C2CD3: variants seen among roughly 807,000 people sequenced by gnomAD.
C2CD3 encodes C2 domain containing 3 centriole elongation regulator, also known as C2 domain-containing protein 3.
In C2CD3, 148 loss-of-function variants were observed where a neutral mutation model predicts 234.0. That is an observed-to-expected ratio of 0.63 (90% CI 0.55 to 0.72). The LOEUF (loss-of-function observed/expected upper bound fraction) is 0.72, where lower values mean the gene tolerates loss of function less well. Among genes scored for constraint, C2CD3 ranks in the 30% least tolerant of loss-of-function variants. C2CD3 has a pLI of 0.00. For synonymous variants in C2CD3, 1,000 were observed against 1,035.4 expected, an observed-to-expected ratio of 0.97 and a Z score of 0.66; for missense variants, 2,577 against 2,811.5, an observed-to-expected ratio of 0.92 and a Z score of 1.89.
chr11:74,150,576 A>G (rs913638569), intron 3 of C2CD3, among the ~76,000 whole-genome samples: 1 of 151,120 alleles, frequency 6.6e-6, no homozygotes, highest in Non-Finnish European at 1.5e-5. Context: ...GAAAAAAATA[A>G]ATAACGACTA....
rs78859901 is a variant in C2CD3, at chr11:74,078,681, T to G, written c.4037A>C (p.Asp1346Ala). 6.2e-4 allele frequency: 996 copies of G among 1,611,442 alleles called. 8 individuals carry two copies. In the African/African-American group the frequency reaches 0.012, roughly 19 times the overall value. The change falls in exon 23 of 33, where the codon GAC (aspartate) becomes GCC (alanine). Residue 1346 changes from aspartate to alanine, a missense_variant. Asp to Ala is a moderately radical substitution (Grantham distance 126). Coordinates refer to ENST00000334126, the MANE Select transcript of C2CD3 (RefSeq NM_001286577.2). ...CTCCAGGCCATGAGGTAGGCCCCCG[T>G]CTTCTGGTAAAATGATAGGATACCA... ...TGWYPIILPE[D>A]GGLPHGLELM...
chr11:74,091,080 A>G, intron 19 of C2CD3, 144 bp from the exon 20 acceptor site: 1 of 751,286 alleles, frequency 1.3e-6, no homozygotes, highest in Non-Finnish European at 2.1e-6. Flanking sequence ...CCTTGTCATA[A>G]TCACATTGTT....
In C2CD3 at chr11:74,048,267, C is replaced by T. The variant is rs753670167; in HGVS notation, c.5433G>A (p.Arg1811=). Residue 1811 remains arginine (R), a synonymous_variant, in exon 28 of 33, where the codon AGG becomes AGA. Transcript: ENST00000334126. The stretch of plus-strand genomic sequence containing the variant: ...CATGAGCAAGTTGGTCTAGGGTCTG[C>T]CTTGCCATGTGGCTGGAGAATGCAG... The part of the protein sequence containing the change: ...TYAAFSSHMA[R]QTLDQLAHAS... 4 of 1,613,562 alleles carry T rather than the reference C, an allele frequency of 2.5e-6. No homozygotes were observed. The highest frequency in any genetic ancestry group is 1.3e-5 in the African/African-American group (1 of 74,912).
intron 28 of C2CD3, among the ~76,000 whole-genome samples, chr11:74,043,522 A>G (rs1463843873): frequency 1.3e-5 from 2 of 152,198 alleles, no homozygotes; most frequent in East Asian, 3.8e-4. Context: ...ACTGGGTCAT[A>G]TGGTTACTCC....
At chr11:74,073,701 T>C (rs1420017545) in intron 24 of C2CD3, among the ~76,000 whole-genome samples, 3 of 152,238 alleles carry the variant, frequency 2.0e-5, no homozygotes, top group Non-Finnish European at 2.9e-5. Flanking sequence ...TGATGTGATA[T>C]GGAAATACCT....
chr11:74,165,329 C>A (rs1165347506), intron 2 of C2CD3, among the ~76,000 whole-genome samples: 2 of 152,102 alleles, frequency 1.3e-5, no homozygotes, highest in Non-Finnish European at 2.9e-5. Flanking sequence ...ATTTGTAAAT[C>A]TCTTCATGCA....
chr11:74,044,531 A>G (rs972912582), intron 28 of C2CD3, among the ~76,000 whole-genome samples: 1 of 151,584 alleles, frequency 6.6e-6, no homozygotes, highest in African/African-American at 2.4e-5. Context: ...TGATGGTATC[A>G]CTTGCAGTGT....
At chr11:74,100,758 T>G (rs543331972) in intron 14 of C2CD3, 82 bp from the exon 15 acceptor site, 1 of 1,217,128 alleles carries the variant, frequency 8.2e-7, no homozygotes, top group East Asian at 2.5e-5. Flanking sequence ...CAATAAGCAT[T>G]TACAGAAAGC....
At chr11:74,019,744 T>C (rs1411554351) in intron 32 of C2CD3, among the ~76,000 whole-genome samples, 1 of 152,084 alleles carries the variant, frequency 6.6e-6, no homozygotes, top group African/African-American at 2.4e-5. Flanking sequence ...TGGCACCATC[T>C]TGACTCACTG....
intron 25 of C2CD3, among the ~76,000 whole-genome samples, chr11:74,056,228 G>A (rs826043): frequency 0.046 from 6,990 of 152,256 alleles, 465 homozygotes; most frequent in African/African-American, 0.15. Context: ...TATGGCTAGT[G>A]TTGGTGGACA....
chr11:74,123,558 A>G (rs1053416432), intron 7 of C2CD3, among the ~76,000 whole-genome samples: 13 of 152,198 alleles, frequency 8.5e-5, no homozygotes, highest in African/African-American at 3.1e-4. Context: ...ACCCACTTCC[A>G]ATAAACAAAA....
rs372030850 is a variant in C2CD3, at chr11:74,158,223, A to G, written c.483+3176T>C. Among the ~76,000 whole-genome samples, 13 of 152,366 alleles carry G rather than the reference A, an allele frequency of 8.5e-5. No individual in the cohort carries two copies. The South Asian group carries it at 2.5e-3, about 29-fold the overall frequency. ...TAAAAAGCTCTGCACAACAAAGGAA[A>G]CAATCAACACAGCAAAGGGACAACC... is the stretch of plus-strand genomic sequence containing the variant. On this transcript the variant is annotated intron_variant, in intron 3 of 32. Coordinates refer to ENST00000334126, the MANE Select transcript of C2CD3 (RefSeq NM_001286577.2).
intron 22 of C2CD3, among the ~76,000 whole-genome samples, chr11:74,083,367 A>G (rs371521055): frequency 4.6e-5 from 7 of 152,240 alleles, no homozygotes; most frequent in Admixed American, 3.9e-4. Context: ...AATACCATTC[A>G]GGACGTAGGC....
At chr11:74,054,139 G>A (rs1953837138) in intron 26 of C2CD3, among the ~76,000 whole-genome samples, 1 of 151,958 alleles carries the variant, frequency 6.6e-6, no homozygotes, top group Non-Finnish European at 1.5e-5. Flanking sequence ...GGGCGTGGTG[G>A]CAGGCGCCTG....
At chr11:74,077,915 C>G (rs937084461) in intron 23 of C2CD3, among the ~76,000 whole-genome samples, 200 bp downstream of exon 23, 1 of 147,436 alleles carries the variant, frequency 6.8e-6, no homozygotes, top group Non-Finnish European at 1.5e-5. Context: ...ATGGAAGGAA[C>G]ACTTACTAGT....
intron 20 of C2CD3, among the ~76,000 whole-genome samples, chr11:74,089,677 T>C (rs796916078): frequency 7.9e-5 from 12 of 152,290 alleles, no homozygotes; most frequent in African/African-American, 2.9e-4. Context: ...TGGGTGCCTG[T>C]TATATGCTAG....
chr11:74,122,524 T>C (rs988482287), intron 8 of C2CD3, among the ~76,000 whole-genome samples: 3 of 152,128 alleles, frequency 2.0e-5, no homozygotes, highest in African/African-American at 4.8e-5. Context: ...TAAGGCTTGA[T>C]AGAAAAAAGA....
chr11:74,167,620 C>G, intron 2 of C2CD3, among the ~76,000 whole-genome samples: 1 of 152,308 alleles, frequency 6.6e-6, no homozygotes, highest in South Asian at 2.1e-4. Flanking sequence ...CTGAGCCCAA[C>G]CATGTTTACA....
intron 15 of C2CD3, among the ~76,000 whole-genome samples, chr11:74,098,564 A>C (rs1956197941): frequency 6.6e-6 from 1 of 152,182 alleles, no homozygotes; most frequent in Non-Finnish European, 1.5e-5. Context: ...GCATTATTTT[A>C]AAGGGAGGAA....
Sources: gnomAD v4.1 joint callset for allele counts (sites outside exome capture counted in the v4.1 genomes callset) on GRCh38, gnomAD v4.1.1 for gene constraint, MANE v1.5 for transcripts, NCBI Gene and HGNC (gene_info 2026-07-23, HGNC 2026-07-21) for gene names.